Variants in PRKD1 observed in about 807,000 individuals in gnomAD.
PRKD1 encodes the protein serine/threonine-protein kinase D1.
A neutral mutation model predicts 95.9 loss-of-function variants in PRKD1; 63 were observed. That is an observed-to-expected ratio of 0.66 (90% CI 0.54 to 0.81). The LOEUF (loss-of-function observed/expected upper bound fraction) is 0.81. Ranked by LOEUF, PRKD1 falls within the 30% of genes least tolerant of loss-of-function variation. The pLI is 0.00. For synonymous variants in PRKD1, 425 were observed against 423.1 expected (o/e 1.00, Z -0.05); for missense variants, 1,048 against 1,165.3 (o/e 0.90, Z 1.47).
chr14:29,790,177 A>G (rs1049686448), intron 1 of PRKD1, among the ~76,000 whole-genome samples: 1 of 151,158 alleles, frequency 6.6e-6, no homozygotes, highest in Non-Finnish European at 1.5e-5. Flanking sequence ...ACGCCCAGCT[A>G]ATTTTTGTAT....
intron 1 of PRKD1, among the ~76,000 whole-genome samples, chr14:29,890,530 C>T (rs79335142): frequency 0.01 from 1,548 of 152,176 alleles, 30 homozygotes; most frequent in African/African-American, 0.035. Context: ...CATAGATAGA[C>T]GGAACTCCTG....
At chr14:29,617,836 G>C (rs1878970418) in intron 13 of PRKD1, among the ~76,000 whole-genome samples, 1 of 152,088 alleles carries the variant, frequency 6.6e-6, no homozygotes, top group South Asian at 2.1e-4. Context: ...GGAGGCTGAG[G>C]TGGGAGGATG....
chr14:29,886,125 T>C (rs777682566), intron 1 of PRKD1, among the ~76,000 whole-genome samples: 1 of 152,144 alleles, frequency 6.6e-6, no homozygotes, highest in Non-Finnish European at 1.5e-5. Flanking sequence ...GAACAGGCAT[T>C]AAATGACGGA....
In PRKD1 at chr14:29,892,310, A is replaced by T. The variant is rs375226640; in HGVS notation, c.264+34939T>A. 9.4e-4 allele frequency among the ~76,000 whole-genome samples: 143 copies of T among 152,106 alleles called. 3 individuals carry two copies. Among genetic ancestry groups the T allele is most frequent in the African/African-American group, 3.3e-3 (138 of 41,528 alleles). ...TAAGTAACCGTTAACTGGATTTTCC[A>T]TTTTCTTTAAAGAACTCAAGTTTTC... On this transcript the variant is annotated intron_variant, in intron 1 of 17. Coordinates refer to ENST00000331968, the MANE Select transcript of PRKD1 (RefSeq NM_002742.3).
chr14:29,871,391 C>A (rs1431320220), intron 1 of PRKD1, among the ~76,000 whole-genome samples: 2 of 152,174 alleles, frequency 1.3e-5, no homozygotes, highest in Non-Finnish European at 1.5e-5. Flanking sequence ...CTTTAAGCAA[C>A]TTCTGTGATC....
chr14:29,906,262 G>A (rs1003897341), intron 1 of PRKD1, among the ~76,000 whole-genome samples: 8 of 152,094 alleles, frequency 5.3e-5, no homozygotes, highest in Admixed American at 3.9e-4. Context: ...ATCTAGGCTG[G>A]GTGTAGTAGG....
chr14:29,878,441 A>G (rs1893385494), intron 1 of PRKD1, among the ~76,000 whole-genome samples: 1 of 152,168 alleles, frequency 6.6e-6, no homozygotes, highest in Non-Finnish European at 1.5e-5. Context: ...CACGGATTCA[A>G]ACAAATACTT....
At chr14:29,756,894 G>A (rs1333130421) in intron 1 of PRKD1, among the ~76,000 whole-genome samples, 2 of 152,130 alleles carry the variant, frequency 1.3e-5, no homozygotes, top group African/African-American at 4.8e-5. Flanking sequence ...AGAGTGACTG[G>A]GACCTCTTTC....
chr14:29,699,104 C>T (rs368610438), intron 2 of PRKD1, among the ~76,000 whole-genome samples: 1 of 152,106 alleles, frequency 6.6e-6, no homozygotes, highest in African/African-American at 2.4e-5. Flanking sequence ...GGGTACTTAC[C>T]ATAGCGGATT....
intron 1 of PRKD1, among the ~76,000 whole-genome samples, chr14:29,827,055 A>G (rs979398976): frequency 5.3e-5 from 8 of 150,806 alleles, no homozygotes; most frequent in African/African-American, 1.5e-4. Context: ...GAATGACACA[A>G]TGGACTTTCA....
intron 1 of PRKD1, among the ~76,000 whole-genome samples, chr14:29,788,626 G>A (rs1473569547): frequency 6.6e-6 from 1 of 151,834 alleles, no homozygotes; most frequent in African/African-American, 2.4e-5. Flanking sequence ...TCTTAATTGT[G>A]GCTTTGTTAT....
chr14:29,610,924 C>T (rs1878416837), intron 13 of PRKD1, among the ~76,000 whole-genome samples: 2 of 152,146 alleles, frequency 1.3e-5, no homozygotes, highest in African/African-American at 4.8e-5. Context: ...CTATGTGATT[C>T]CAGCTATGTG....
At chr14:29,624,342 A>G (rs1363293969) in intron 12 of PRKD1, 84 bp from the exon 13 acceptor site, 1 of 873,682 alleles carries the variant, frequency 1.1e-6, no homozygotes, top group Non-Finnish European at 1.7e-6. Context: ...GGACATTTAA[A>G]GAAATGATAA....
In PRKD1 at chr14:29,907,459, C is replaced by T. The variant is rs1034454385; in HGVS notation, c.264+19790G>A. Among the ~76,000 whole-genome samples, 4 of 152,126 alleles carry T rather than the reference C, an allele frequency of 2.6e-5. No individual in the cohort carries two copies. The East Asian group carries it at 7.7e-4, about 29-fold the overall frequency. On this transcript the variant is annotated intron_variant, in intron 1 of 17. Coordinates refer to ENST00000331968, the MANE Select transcript of PRKD1 (RefSeq NM_002742.3). ...AAATCATTCATTCAATCATTCAGTG[C>T]CAGGCACTGTTCTGGATATCTGAGA... is the stretch of plus-strand genomic sequence containing the variant.
At chr14:29,713,268 G>A (rs145901438) in intron 2 of PRKD1, among the ~76,000 whole-genome samples, 17 of 152,184 alleles carry the variant, frequency 1.1e-4, no homozygotes, top group African/African-American at 3.4e-4. Flanking sequence ...AAACAATCTT[G>A]ATCAATATTG....
intron 1 of PRKD1, among the ~76,000 whole-genome samples, chr14:29,809,970 T>C (rs951976849): frequency 6.6e-6 from 1 of 152,184 alleles, no homozygotes; most frequent in Non-Finnish European, 1.5e-5. Flanking sequence ...TTAGAAGTCA[T>C]TGTAGAGTTA....
At chr14:29,860,118 C>G (rs1892653361) in intron 1 of PRKD1, among the ~76,000 whole-genome samples, 1 of 152,220 alleles carries the variant, frequency 6.6e-6, no homozygotes, top group Non-Finnish European at 1.5e-5. Context: ...CTTTACTACT[C>G]AGAATACATG....
intron 14 of PRKD1, among the ~76,000 whole-genome samples, chr14:29,599,332 C>A (rs1171557763): frequency 6.6e-6 from 1 of 152,122 alleles, no homozygotes; most frequent in Non-Finnish European, 1.5e-5. Flanking sequence ...GCGGCCAAGA[C>A]AGATGTAGAT....
intron 4 of PRKD1, among the ~76,000 whole-genome samples, chr14:29,648,660 CTTCTGTTTTTTT>C (rs1330017667): frequency 3.9e-5 from 6 of 151,968 alleles, no homozygotes; most frequent in Admixed American, 2.6e-4. Flanking sequence ...CTGGCTGGGG[CTTCTGTTTTTTT>C]GACAGGGAGT....
Sources: gnomAD v4.1 joint callset for allele counts (sites outside exome capture counted in the v4.1 genomes callset) on GRCh38, gnomAD v4.1.1 for gene constraint, MANE v1.5 for transcripts, NCBI Gene and HGNC (gene_info 2026-07-23, HGNC 2026-07-21) for gene names.